Variants in ESF1 observed in about 807,000 individuals in gnomAD.
ESF1 encodes the protein ESF1 nucleolar pre-rRNA processing protein.
In ESF1, 58 loss-of-function variants were observed where a neutral mutation model predicts 92.0. That is an observed-to-expected ratio of 0.63 (90% CI 0.51 to 0.78). ESF1 has a LOEUF of 0.78. Among genes scored for constraint, ESF1 ranks in the 30% least tolerant of loss-of-function variants. ESF1 has a pLI of 0.00. For missense variants in ESF1, 922 were observed against 989.1 expected (o/e 0.93, Z 0.91); for synonymous variants, 321 against 313.7 (o/e 1.02, Z -0.24).
In ESF1 at chr20:13,759,712, A is replaced by C. The variant is rs767933357; in HGVS notation, c.1808T>G (p.Met603Arg). Reference protein sequence around the residue: ...EKKGKENDMEMEIKWVPGLKE... With the variant: ...EKKGKENDMEREIKWVPGLKE... ...CTTACCTGGAACCCATTTAATTTCC[A>C]TTTCCATATCATTTTCTTTGCCTTT... Residue 603 changes from methionine (M) to arginine (R), a missense_variant, in exon 9 of 14, where the codon ATG (methionine) becomes AGG (arginine). Met to Arg is a moderately conservative substitution (Grantham distance 91). Coordinates refer to ENST00000617257, the MANE Select transcript of ESF1 (RefSeq NM_001276380.2). 6.3e-7 allele frequency: 1 copy of C among 1,576,456 alleles called. No individual in the cohort carries two copies. The highest frequency in any genetic ancestry group is 2.1e-5 in the Admixed American group (1 of 47,226).
intron 9 of ESF1, among the ~76,000 whole-genome samples, chr20:13,758,359 G>A (rs1219636215): frequency 5.9e-5 from 9 of 152,144 alleles, no homozygotes; most frequent in Admixed American, 2.0e-4. Context: ...AACTTCATTC[G>A]TTCTTACCAC....
intron 9 of ESF1, among the ~76,000 whole-genome samples, chr20:13,753,398 C>T (rs1194873211): frequency 6.7e-6 from 1 of 150,290 alleles, no homozygotes; most frequent in Non-Finnish European, 1.5e-5. Flanking sequence ...GCTGGCCCTC[C>T]TCCCCAGTGC....
intron 9 of ESF1, among the ~76,000 whole-genome samples, chr20:13,759,435 T>A (rs958716192): frequency 1.3e-5 from 2 of 152,148 alleles, no homozygotes; most frequent in Admixed American, 1.3e-4. Context: ...AGTTTCTATA[T>A]CTTGAGAATA....
At chr20:13,760,452 G>A (rs1202966258) in intron 8 of ESF1, among the ~76,000 whole-genome samples, 6 of 148,202 alleles carry the variant, frequency 4.0e-5, no homozygotes, top group African/African-American at 1.2e-4. Context: ...CCGCGACCCC[G>A]TCTGGGAGGT....
chr20:13,723,761 T>G (rs1013058984), intron 11 of ESF1, among the ~76,000 whole-genome samples: 3 of 152,198 alleles, frequency 2.0e-5, no homozygotes, highest in African/African-American at 7.2e-5. Context: ...TACAATGTTT[T>G]TGTCCTGTTT....
intron 9 of ESF1, among the ~76,000 whole-genome samples, chr20:13,746,674 T>C (rs554524506): frequency 1.3e-5 from 2 of 152,290 alleles, no homozygotes; most frequent in South Asian, 2.1e-4. Context: ...GCTATGAATA[T>C]AGAAGGATAT....
In ESF1 at chr20:13,728,369, C is replaced by T. The variant is rs759406577; in HGVS notation, c.2038+9G>A. ...TCCAGTTGAAAACTACAGATATGAG[C>T]TGGCTTACCTATTTGTTTAACTTCT... is the stretch of plus-strand genomic sequence containing the variant. On this transcript the variant is annotated intron_variant, in intron 11 of 13. Coordinates refer to ENST00000617257, the MANE Select transcript of ESF1 (RefSeq NM_001276380.2). The T allele has an allele frequency of 3.1e-6, 5 of 1,600,636 alleles. No homozygotes were observed. Among genetic ancestry groups the T allele is most frequent in the Non-Finnish European group, 3.4e-6 (4 of 1,173,432 alleles).
chr20:13,767,332 G>C (rs1452995590), intron 7 of ESF1, among the ~76,000 whole-genome samples: 1 of 152,138 alleles, frequency 6.6e-6, no homozygotes, highest in Non-Finnish European at 1.5e-5. Context: ...TTCAAGACCA[G>C]CCTGGCCAAC....
Position 13,718,899 on chromosome 20 carries a change from G to C in ESF1, c.2115+9C>G. 1 of 1,586,772 alleles carries C rather than the reference G, an allele frequency of 6.3e-7. No individual in the cohort carries two copies. The highest frequency in any genetic ancestry group is 8.6e-7 in the Non-Finnish European group (1 of 1,164,832). The stretch of plus-strand genomic sequence containing the variant: ...ATCCACTAAGCATGTAACAATAATC[G>C]TATTTTACCTTTTGTCTTTCTATTT... On this transcript the variant is annotated intron_variant, in intron 12 of 13. Transcript: ENST00000617257.
chr20:13,731,531 C>CAAAAAAAAAAAAAAAAAAAA (rs35867169), intron 10 of ESF1, among the ~76,000 whole-genome samples: 1 of 71,528 alleles, frequency 1.4e-5, no homozygotes. Context: ...GACTCGGTCT[C>CAAAAAAAAAAAAAAAAAAAA]AAAAAAAAAA....
Position 13,718,580 on chromosome 20 carries a change from A to C in ESF1, c.2115+328T>G, listed in dbSNP as rs1020043031. Among the ~76,000 whole-genome samples, 42 of 152,226 alleles carry C rather than the reference A, an allele frequency of 2.8e-4. 1 individual carries two copies. The highest frequency in any genetic ancestry group is 1.0e-3 in the African/African-American group (42 of 41,456). ...TTGAATTAAAACTTATGGCAATATT[A>C]TTTTGAGGTTTTAAGGGTATTTTCT... On this transcript the variant is annotated intron_variant, in intron 12 of 13. Coordinates refer to ENST00000617257, the MANE Select transcript of ESF1 (RefSeq NM_001276380.2).
chr20:13,766,489 G>A (rs1051401111), intron 8 of ESF1, among the ~76,000 whole-genome samples: 9 of 152,130 alleles, frequency 5.9e-5, no homozygotes, highest in Non-Finnish European at 7.3e-5. Flanking sequence ...GGCAAATGAG[G>A]GGAGATGCCT....
At position 13,747,740 on chromosome 20, in the gene ESF1, T is replaced by C. The variant is rs190228395; in HGVS notation, c.1828+11952A>G. The stretch of plus-strand genomic sequence containing the variant: ...TAGGCATTTTATTGTTGTGCAAACA[T>C]TAAAATAGAGTATACTTACATAAAC... On this transcript the variant is annotated intron_variant, in intron 9 of 13. Transcript: ENST00000617257. Among the ~76,000 whole-genome samples, 652 of 152,290 alleles carry C rather than the reference T, an allele frequency of 4.3e-3. 5 individuals carry two copies. The highest frequency in any genetic ancestry group is 6.3e-3 in the Non-Finnish European group (427 of 68,030).
chr20:13,775,280 G>C lies in ESF1; in HGVS notation c.1036-10C>G, dbSNP rs1568728935. 6.6e-7 allele frequency: 1 copy of C among 1,514,570 alleles called. No homozygotes were observed. The highest frequency in any genetic ancestry group is 1.2e-5 in the South Asian group (1 of 84,370). The allele number at this position is 1,514,570 out of a possible 1,614,324, so 93.8% of individuals were successfully genotyped here. On this transcript the variant is annotated splice_polypyrimidine_tract_variant and intron_variant, in intron 3 of 13. Transcript: ENST00000617257. Reference sequence around the variant, plus strand: ...CTAATCGACGTGTAATCTGAGAAATGAGAAGAATTAAATAGTACATAATCC... The same window carrying C: ...CTAATCGACGTGTAATCTGAGAAATCAGAAGAATTAAATAGTACATAATCC...
At chr20:13,778,394 C>T (rs528505574) in intron 2 of ESF1, among the ~76,000 whole-genome samples, 75 of 151,974 alleles carry the variant, frequency 4.9e-4, no homozygotes, top group African/African-American at 1.6e-3. Flanking sequence ...CTTACAGACC[C>T]AGTCTATCTA....
chr20:13,725,572 C>G (rs1409170931), intron 11 of ESF1, among the ~76,000 whole-genome samples: 1 of 152,168 alleles, frequency 6.6e-6, no homozygotes, highest in Non-Finnish European at 1.5e-5. Flanking sequence ...TAATACTGTT[C>G]CTCCTATTTC....
At chr20:13,738,011 T>C (rs1302210695) in intron 9 of ESF1, among the ~76,000 whole-genome samples, 3 of 152,136 alleles carry the variant, frequency 2.0e-5, no homozygotes, top group African/African-American at 4.8e-5. Flanking sequence ...TGAGGAACAG[T>C]GTCATCAAAG....
chr20:13,718,753 C>CA (rs200697617), intron 12 of ESF1, among the ~76,000 whole-genome samples, 155 bp downstream of exon 12: 9,482 of 152,128 alleles, frequency 0.062, 480 homozygotes, highest in East Asian at 0.18. Context: ...TATTTAGAAA[C>CA]TACACTGCTA....
rs369289744 is a variant in ESF1 at position 13,766,805 on chromosome 20, A to G, written c.1638T>C (p.Asp546=). 6.8e-6 allele frequency: 11 copies of G among 1,613,736 alleles called. No individual in the cohort carries two copies. Among genetic ancestry groups the G allele is most frequent in the South Asian group, 3.3e-5 (3 of 91,066 alleles). ...FQAYLASSSE[D]EEEIEEELQG... ...GTAGCTCCTCTTCTATCTCCTCTTC[A>G]TCTTCACTAGAGGAAGCTAAGTAGG... is the stretch of plus-strand genomic sequence containing the variant. Residue 546 remains aspartate (D), a synonymous_variant, in exon 8 of 14, where the codon GAT becomes GAC. Transcript: ENST00000617257.
Sources: allele counts gnomAD v4.1 joint callset (sites outside exome capture counted in the v4.1 genomes callset), GRCh38; gene constraint gnomAD v4.1.1; transcripts MANE v1.5; gene names NCBI Gene and HGNC (gene_info 2026-07-23, HGNC 2026-07-21).